Variants in SSU72 observed in about 807,000 individuals in gnomAD.
The protein encoded by SSU72 is RNA polymerase II subunit A C-terminal domain phosphatase SSU72.
A neutral mutation model predicts 22.7 loss-of-function variants in SSU72; 12 were observed. The observed-to-expected ratio is 0.53, with a 90% confidence interval of 0.34 to 0.86. The LOEUF (loss-of-function observed/expected upper bound fraction) is 0.86, where lower values mean the gene tolerates loss of function less well. Ranked by LOEUF, SSU72 falls within the 40% of genes least tolerant of loss-of-function variation. The probability of loss-of-function intolerance (pLI) is 0.02; values close to 1 mark genes in which losing one functional copy is unlikely to be tolerated. For missense variants in SSU72, 151 were observed against 249.8 expected, an observed-to-expected ratio of 0.60 and a Z score of 2.67; for synonymous variants, 116 against 98.3, an observed-to-expected ratio of 1.18 and a Z score of -1.06.
At chr1:1,552,804 T>C (rs563301252) in intron 2 of SSU72, among the ~76,000 whole-genome samples, 2 of 152,202 alleles carry the variant, frequency 1.3e-5, no homozygotes, top group African/African-American at 4.8e-5. Context: ...GTGGATCACT[T>C]GAGGTCAGGA....
At chr1:1,546,603 GAGGCGGGTGGATCACCTGAGGTCAGGTGT>G (rs1642391798) in intron 2 of SSU72, 2 of 152,194 alleles carry the variant, frequency 1.3e-5, no homozygotes, top group African/African-American at 4.8e-5. Flanking sequence ...TCGAGAGGCC[GAGGCGGGTGGATCACCTGAGGTCAGGTGT>G]TTGAGACCAG....
intron 2 of SSU72, chr1:1,545,228 T>C: frequency 3.9e-6 from 2 of 517,298 alleles, no homozygotes; most frequent in Non-Finnish European, 3.4e-6. Flanking sequence ...CTCCTCGCTG[T>C]CCCCCAACTC....
chr1:1,574,415 C>T, intron 1 of SSU72, 63 bp downstream of exon 1: 1 of 1,519,020 alleles, frequency 6.6e-7, no homozygotes, highest in African/African-American at 1.4e-5. Context: ...CAGGGGGAAC[C>T]GGGGAGGAGG....
chr1:1,543,532 C>A (rs1570378309), intron 4 of SSU72, among the ~76,000 whole-genome samples: 1 of 152,198 alleles, frequency 6.6e-6, no homozygotes, highest in East Asian at 1.9e-4. Flanking sequence ...AGCAGGCGCC[C>A]CCGACACAGG....
chr1:1,564,320 CTTCTT>C, intron 2 of SSU72: 1 of 669,302 alleles, frequency 1.5e-6, no homozygotes. Context: ...GCTCCGCCCT[CTTCTT>C]TATCTGACCT....
rs891625471 is a variant in SSU72 at position 1,542,915 on chromosome 1, C to T, written c.484-748G>A. On this transcript the variant is annotated intron_variant, in intron 4 of 4. Transcript: ENST00000291386. This position sits in a 1 kb window ranked among gnomAD's most constrained non-coding sequence, Gnocchi z 4.4. ...GCCATGCTGGGTGGGCCAGGCGGAGCGCAGGAGCCTCTGCGGCCACACAGC... is the reference window on the plus strand; with the variant it reads ...GCCATGCTGGGTGGGCCAGGCGGAGTGCAGGAGCCTCTGCGGCCACACAGC... Among the ~76,000 whole-genome samples the T allele has an allele frequency of 2.0e-5, 3 of 152,232 alleles. No homozygotes were observed. Among genetic ancestry groups the T allele is most frequent in the Admixed American group, 6.5e-5 (1 of 15,276 alleles).
intron 2 of SSU72, among the ~76,000 whole-genome samples, chr1:1,551,504 C>A (rs1302302068): frequency 6.6e-6 from 1 of 152,172 alleles, no homozygotes; most frequent in African/African-American, 2.4e-5. Context: ...CACTTGCGAT[C>A]AAATTCTACC....
chr1:1,542,533 C>A lies in SSU72; in HGVS notation c.484-366G>T, dbSNP rs372652984. On this transcript the variant is annotated intron_variant, in intron 4 of 4. Coordinates refer to ENST00000291386, the MANE Select transcript of SSU72 (RefSeq NM_014188.3). The surrounding 1 kb of genome is among the most constrained non-coding windows in gnomAD (Gnocchi z 4.4). ...CGCTTCCACACCACCAACAAGCGAG[C>A]GGGGGCAGCCTGGTCATCGGAGCAT... 7.2e-5 allele frequency among the ~76,000 whole-genome samples: 11 copies of A among 152,250 alleles called. No homozygotes were observed. The highest frequency in any genetic ancestry group is 2.6e-4 in the African/African-American group (11 of 41,560).
At chr1:1,560,912 A>G (rs986457236) in intron 2 of SSU72, 33 of 152,268 alleles carry the variant, frequency 2.2e-4, no homozygotes, top group African/African-American at 7.7e-4. Flanking sequence ...TCTCGGGCTC[A>G]GTGTGTGCAT....
chr1:1,564,337 C>G (rs1642631775), intron 2 of SSU72: 1 of 793,838 alleles, frequency 1.3e-6, no homozygotes, highest in Non-Finnish European at 1.9e-6. Flanking sequence ...ATCTGACCTT[C>G]TAACGACCTC....
chr1:1,571,172 G>A (rs984374097), intron 1 of SSU72, among the ~76,000 whole-genome samples: 14 of 149,322 alleles, frequency 9.4e-5, no homozygotes, highest in Non-Finnish European at 1.8e-4. Flanking sequence ...ATGAACCCGG[G>A]AGGCGGAGGT....
chr1:1,546,236 G>A (rs2100705238), intron 2 of SSU72: 1 of 152,362 alleles, frequency 6.6e-6, no homozygotes, highest in Admixed American at 6.5e-5. Context: ...AGTGAACTCA[G>A]CTACCTTCCT....
At chr1:1,547,116 C>T (rs1169950505) in intron 2 of SSU72, among the ~76,000 whole-genome samples, 4 of 152,116 alleles carry the variant, frequency 2.6e-5, no homozygotes, top group Non-Finnish European at 4.4e-5. Flanking sequence ...GGGACCGGCT[C>T]ACGGAGAGGA....
intron 2 of SSU72, among the ~76,000 whole-genome samples, chr1:1,548,781 G>A (rs943501635): frequency 3.9e-5 from 6 of 152,198 alleles, no homozygotes; most frequent in African/African-American, 1.4e-4. Flanking sequence ...AACAGGAGGA[G>A]CAGGCCCATC....
chr1:1,571,187 G>A (rs1570401921), intron 1 of SSU72, among the ~76,000 whole-genome samples: 3 of 145,704 alleles, frequency 2.1e-5, no homozygotes, highest in African/African-American at 7.4e-5. Flanking sequence ...GGAGGTTGCA[G>A]TGAGCTGAAA....
rs1472319951 is a variant in SSU72 at position 1,574,662 on chromosome 1, C to G, written c.-105G>C. On this transcript the variant is annotated 5_prime_UTR_variant, in exon 1 of 5. Coordinates refer to ENST00000291386, the MANE Select transcript of SSU72 (RefSeq NM_014188.3). The stretch of plus-strand genomic sequence containing the variant: ...CCGCGGTGGCCGGAAGCGGGCGACG[C>G]GAAACGACGGCGCCGGCGGTGTAGC... The G allele has an allele frequency of 8.6e-7, 1 of 1,166,908 alleles. No homozygotes were observed. Among genetic ancestry groups the G allele is most frequent in the East Asian group, 3.3e-5 (1 of 30,688 alleles). The allele number at this position is 1,166,908 out of a possible 1,614,324, so 72.3% of individuals were successfully genotyped here. A position where few individuals can be genotyped will look rare whatever the true frequency, so the allele number is the denominator to read the frequency against.
At chr1:1,544,089 A>AGCCCC in intron 3 of SSU72, 102 bp from the exon 4 acceptor site, 1 of 863,276 alleles carries the variant, frequency 1.2e-6, no homozygotes, top group Non-Finnish European at 1.9e-6. Flanking sequence ...GGCCCAGCCC[A>AGCCCC]GCCCCAGTGG....
At chr1:1,555,169 G>A (rs1570389348) in intron 2 of SSU72, among the ~76,000 whole-genome samples, 1 of 152,308 alleles carries the variant, frequency 6.6e-6, no homozygotes, top group East Asian at 1.9e-4. Context: ...ACACACAGAA[G>A]ACTCCCCACA....
In SSU72 at chr1:1,564,897, G is replaced by A. The variant is rs1043936136; in HGVS notation, c.100C>T (p.Arg34Ter). The A allele has an allele frequency of 1.9e-6, 3 of 1,605,874 alleles. No individual in the cohort carries two copies. Among genetic ancestry groups the A allele is most frequent in the East Asian group, 2.2e-5 (1 of 44,814 alleles). Residue 34 changes from arginine (R) to a stop codon, truncating the protein, a stop_gained, in exon 2 of 5, where the codon CGA becomes TGA. Coordinates refer to ENST00000291386, the MANE Select transcript of SSU72 (RefSeq NM_014188.3). LOFTEE classifies it high-confidence loss of function. ...NILSKRGFSVRSFGTGTHVKL... is the reference protein window; with the variant it reads ...NILSKRGFSV The stretch of plus-strand genomic sequence containing the variant: ...ACGTGAGTCCCTGTTCCAAAGGATC[G>A]GACGCTGAATCCCCGTTTGCTGAAA...
Sources: allele counts gnomAD v4.1 joint callset (sites outside exome capture counted in the v4.1 genomes callset), GRCh38; gene constraint gnomAD v4.1.1; non-coding constraint Gnocchi (gnomAD v3.1); transcripts MANE v1.5; gene names NCBI Gene and HGNC (gene_info 2026-07-23, HGNC 2026-07-21).